The following CACNA2D1 variants were observed in gnomAD, a reference collection of about 807,000 sequenced individuals.
CACNA2D1 encodes voltage-dependent calcium channel subunit alpha-2/delta-1.
Under a neutral mutation model 171.5 loss-of-function variants are expected in CACNA2D1, and 53 were observed. The observed-to-expected ratio is 0.31, with a 90% CI of 0.25 to 0.39. The LOEUF (loss-of-function observed/expected upper bound fraction) is 0.39. CACNA2D1 is among the 10% of genes least tolerant of loss of function. The probability of loss-of-function intolerance (pLI) is 1.00; values close to 1 mark genes in which losing one functional copy is unlikely to be tolerated. For synonymous variants in CACNA2D1, 442 were observed against 443.1 expected, an observed-to-expected ratio of 1.00 and a Z score of 0.03; for missense variants, 903 against 1,299.8, an observed-to-expected ratio of 0.69 and a Z score of 4.69.
intron 3 of CACNA2D1, among the ~76,000 whole-genome samples, chr7:82,332,224 G>C (rs150911554): frequency 0.16 from 23,776 of 151,910 alleles, 2,019 homozygotes; most frequent in South Asian, 0.28. Flanking sequence ...ACCACACCCA[G>C]CTAATTTTTG....
chr7:82,024,924 C>T (rs1424195030), intron 12 of CACNA2D1, among the ~76,000 whole-genome samples: 1 of 151,516 alleles, frequency 6.6e-6, no homozygotes, highest in Non-Finnish European at 1.5e-5. Flanking sequence ...GTATTGTTTG[C>T]ACCCTTATAG....
At chr7:82,362,076 G>A (rs1026486664) in intron 1 of CACNA2D1, among the ~76,000 whole-genome samples, 5 of 152,068 alleles carry the variant, frequency 3.3e-5, no homozygotes, top group Non-Finnish European at 5.9e-5. Flanking sequence ...AACAAGCTCC[G>A]GTGAAAAGAG....
intron 2 of CACNA2D1, among the ~76,000 whole-genome samples, chr7:82,347,746 G>A (rs1563406311): frequency 6.6e-6 from 1 of 151,940 alleles, no homozygotes; most frequent in Non-Finnish European, 1.5e-5. Flanking sequence ...CATTAATTTG[G>A]AATTTTTCTG....
At chr7:82,297,540 A>C (rs1246032487) in intron 3 of CACNA2D1, among the ~76,000 whole-genome samples, 3 of 152,074 alleles carry the variant, frequency 2.0e-5, no homozygotes, top group Non-Finnish European at 4.4e-5. Flanking sequence ...ATTCCTTTTC[A>C]AAAAAAATTT....
At chr7:82,004,949 A>G (rs1050426310) in intron 18 of CACNA2D1, among the ~76,000 whole-genome samples, 1 of 152,168 alleles carries the variant, frequency 6.6e-6, no homozygotes, top group South Asian at 2.1e-4. Flanking sequence ...TACTTATACA[A>G]TCTCTTACAT....
At chr7:82,116,593 A>G (rs1054978429) in intron 6 of CACNA2D1, among the ~76,000 whole-genome samples, 1 of 152,176 alleles carries the variant, frequency 6.6e-6, no homozygotes, top group Non-Finnish European at 1.5e-5. Context: ...GGGAGGGAAA[A>G]AGAGAGAGAG....
intron 3 of CACNA2D1, among the ~76,000 whole-genome samples, chr7:82,232,620 C>T (rs764981886): frequency 7.9e-5 from 12 of 151,948 alleles, no homozygotes; most frequent in Non-Finnish European, 1.3e-4. Context: ...AATCCAAGCA[C>T]TTTGGGAGGC....
At chr7:82,433,612 T>A (rs2129459091) in intron 1 of CACNA2D1, among the ~76,000 whole-genome samples, 1 of 152,310 alleles carries the variant, frequency 6.6e-6, no homozygotes, top group South Asian at 2.1e-4. Context: ...CCTGCCTCTA[T>A]CAGAACATTC....
At chr7:82,112,888 T>A (rs1196029067) in intron 6 of CACNA2D1, among the ~76,000 whole-genome samples, 1 of 152,144 alleles carries the variant, frequency 6.6e-6, no homozygotes, top group Non-Finnish European at 1.5e-5. Context: ...CAATTGAATA[T>A]CAAGATAAGT....
chr7:82,287,358 G>A (rs1238331270), intron 3 of CACNA2D1, among the ~76,000 whole-genome samples: 1 of 151,706 alleles, frequency 6.6e-6, no homozygotes, highest in Non-Finnish European at 1.5e-5. Flanking sequence ...TTAGCAATAA[G>A]GTCACTGGCC....
chr7:82,441,816 C>G (rs1051941038), intron 1 of CACNA2D1, among the ~76,000 whole-genome samples: 59 of 152,242 alleles, frequency 3.9e-4, no homozygotes, highest in African/African-American at 1.3e-3. Flanking sequence ...ACACAGAATG[C>G]AAGCGACTCA....
chr7:82,112,330 C>T (rs1788568029), intron 6 of CACNA2D1, among the ~76,000 whole-genome samples: 1 of 152,146 alleles, frequency 6.6e-6, no homozygotes, highest in Admixed American at 6.5e-5. Flanking sequence ...CAAAGAATAA[C>T]ATTATACACC....
chr7:82,363,107 T>C (rs569802927), intron 1 of CACNA2D1, among the ~76,000 whole-genome samples: 7 of 152,216 alleles, frequency 4.6e-5, no homozygotes, highest in African/African-American at 9.6e-5. Context: ...GCCTAAGTTA[T>C]AAAAATTTCA....
At chr7:82,406,235 T>C (rs1827024710) in intron 1 of CACNA2D1, among the ~76,000 whole-genome samples, 1 of 152,258 alleles carries the variant, frequency 6.6e-6, no homozygotes, top group Non-Finnish European at 1.5e-5. Context: ...TCATTTTTTA[T>C]GGCTGCATAG....
intron 6 of CACNA2D1, among the ~76,000 whole-genome samples, chr7:82,105,010 C>T (rs187670684): frequency 6.6e-6 from 1 of 151,798 alleles, no homozygotes; most frequent in Non-Finnish European, 1.5e-5. Flanking sequence ...TATTTTGGAC[C>T]CTTCAGGAAT....
intron 3 of CACNA2D1, among the ~76,000 whole-genome samples, chr7:82,184,169 CTTTTTT>C (rs72155870): frequency 4.0e-4 from 51 of 127,396 alleles, no homozygotes; most frequent in Middle Eastern, 4.2e-3. Context: ...TCGGTTTCCT[CTTTTTT>C]TTTTTTTTTT....
intron 10 of CACNA2D1, among the ~76,000 whole-genome samples, chr7:82,056,968 C>T (rs1202693568): frequency 6.6e-6 from 1 of 152,148 alleles, no homozygotes; most frequent in East Asian, 1.9e-4. Context: ...TGTTGCATCA[C>T]TAGAGGCTGC....
In CACNA2D1 at chr7:82,362,712, G is replaced by A. The variant is rs1563430075; in HGVS notation, c.96-13063C>T. On this transcript the variant is annotated intron_variant, in intron 1 of 38. Transcript: ENST00000356860. ...CCTCATACTCATTTGTATCACCGTT[G>A]GACATCTTGTAAGCGAACCTTGAAC... Among the ~76,000 whole-genome samples the A allele has an allele frequency of 2.0e-5, 3 of 152,154 alleles. No individual in the cohort carries two copies. In the East Asian group the frequency reaches 5.8e-4, roughly 29 times the overall value.
intron 15 of CACNA2D1, among the ~76,000 whole-genome samples, chr7:82,008,148 G>T (rs1486410609): frequency 6.6e-6 from 1 of 151,994 alleles, no homozygotes; most frequent in Non-Finnish European, 1.5e-5. Flanking sequence ...TATTTTAAGT[G>T]ATTATTTAGC....
Sources: allele counts gnomAD v4.1 joint callset (sites outside exome capture counted in the v4.1 genomes callset), GRCh38; gene constraint gnomAD v4.1.1; transcripts MANE v1.5; gene names NCBI Gene and HGNC (gene_info 2026-07-23, HGNC 2026-07-21).